GMDS: variants seen among roughly 807,000 people sequenced by gnomAD.
GMDS encodes GDP-mannose 4,6-dehydratase.
Under a neutral mutation model 49.9 loss-of-function variants are expected in GMDS, and 20 were observed. The ratio of observed to expected loss-of-function variants is 0.40; its 90% confidence interval spans 0.28 to 0.58. GMDS has a LOEUF of 0.58. Among genes scored for constraint, GMDS ranks in the 20% least tolerant of loss-of-function variants. GMDS has a pLI of 0.42. For synonymous variants in GMDS, 177 were observed against 178.6 expected (o/e 0.99, Z 0.07); for missense variants, 362 against 481.4 (o/e 0.75, Z 2.32).
intron 1 of GMDS, among the ~76,000 whole-genome samples, chr6:2,177,986 C>T (rs1581755075): frequency 1.3e-5 from 2 of 152,242 alleles, no homozygotes; most frequent in East Asian, 1.9e-4. Flanking sequence ...TCCTTTGCAG[C>T]AACATGGATG....
chr6:2,118,031 C>A (rs1182863599), intron 2 of GMDS, among the ~76,000 whole-genome samples: 1 of 152,198 alleles, frequency 6.6e-6, no homozygotes, highest in Non-Finnish European at 1.5e-5. Context: ...CCACAGACAT[C>A]ATCAGAGAGC....
At chr6:1,932,472 C>A (rs936713957) in intron 6 of GMDS, among the ~76,000 whole-genome samples, 16 of 151,668 alleles carry the variant, frequency 1.1e-4, no homozygotes, top group South Asian at 8.4e-4. Flanking sequence ...AAAGGTGGAT[C>A]TTTTCTTATC....
chr6:2,005,812 T>C (rs1247824485), intron 4 of GMDS, among the ~76,000 whole-genome samples: 2 of 152,168 alleles, frequency 1.3e-5, no homozygotes, highest in African/African-American at 4.8e-5. Flanking sequence ...GGCTGTGCCA[T>C]GCTTCTTGAA....
chr6:2,194,693 G>C (rs1323031926), intron 1 of GMDS, among the ~76,000 whole-genome samples: 1 of 152,194 alleles, frequency 6.6e-6, no homozygotes, highest in East Asian at 1.9e-4. Flanking sequence ...ACATGGAAGA[G>C]GGGAAAACAC....
chr6:1,726,973 C>T (rs905337695), intron 8 of GMDS, among the ~76,000 whole-genome samples: 3 of 151,588 alleles, frequency 2.0e-5, no homozygotes, highest in Non-Finnish European at 4.4e-5. Flanking sequence ...CAACACATTC[C>T]ATTTGGGAAT....
intron 4 of GMDS, among the ~76,000 whole-genome samples, chr6:1,967,073 T>C (rs189902997): frequency 4.6e-5 from 7 of 152,326 alleles, no homozygotes; most frequent in African/African-American, 1.4e-4. Flanking sequence ...CAGCTGGTCC[T>C]GCCTGGAGCC....
intron 1 of GMDS, among the ~76,000 whole-genome samples, chr6:2,212,967 A>G (rs958142355): frequency 2.0e-5 from 3 of 152,106 alleles, no homozygotes; most frequent in African/African-American, 4.8e-5. Flanking sequence ...GCATTCTTTT[A>G]CTTAACTTGT....
intron 9 of GMDS, among the ~76,000 whole-genome samples, chr6:1,696,834 T>G (rs190781912): frequency 6.6e-6 from 1 of 152,346 alleles, no homozygotes; most frequent in Admixed American, 6.5e-5. Flanking sequence ...ATCTCATGGA[T>G]GAAGAGCCTC....
At chr6:1,785,015 C>T (rs139775832) in intron 7 of GMDS, among the ~76,000 whole-genome samples, 1 of 152,298 alleles carries the variant, frequency 6.6e-6, no homozygotes, top group Non-Finnish European at 1.5e-5. Context: ...TGTGCTATAA[C>T]AAATTTTTCT....
chr6:1,896,559 G>A (rs747051685), intron 7 of GMDS, among the ~76,000 whole-genome samples: 2 of 152,146 alleles, frequency 1.3e-5, no homozygotes, highest in African/African-American at 2.4e-5. Flanking sequence ...GCGGGGAAGG[G>A]GGCTCGGTGC....
At chr6:2,049,916 A>G (rs1325093062) in intron 4 of GMDS, among the ~76,000 whole-genome samples, 5 of 152,258 alleles carry the variant, frequency 3.3e-5, no homozygotes, top group Non-Finnish European at 5.9e-5. Flanking sequence ...AATGCCCACA[A>G]GAGAAAGCAG....
chr6:1,657,853 C>CAAAAAAAAAAA (rs757277370), intron 9 of GMDS, among the ~76,000 whole-genome samples: 5 of 63,354 alleles, frequency 7.9e-5, no homozygotes, highest in East Asian at 4.6e-4. Flanking sequence ...AGAACTCAAG[C>CAAAAAAAAAAA]AAAAAAAAAA....
intron 7 of GMDS, among the ~76,000 whole-genome samples, chr6:1,889,073 T>C (rs965866233): frequency 6.6e-6 from 1 of 152,184 alleles, no homozygotes; most frequent in African/African-American, 2.4e-5. Flanking sequence ...TATATGTATA[T>C]ATTTTGCTGT....
chr6:1,863,398 G>A (rs573043743), intron 7 of GMDS, among the ~76,000 whole-genome samples: 102 of 152,194 alleles, frequency 6.7e-4, no homozygotes, highest in Middle Eastern at 3.4e-3. Flanking sequence ...ACCCACAAAC[G>A]TTTGGCTGTA....
intron 1 of GMDS, among the ~76,000 whole-genome samples, chr6:2,165,533 C>T (rs956612303): frequency 6.6e-6 from 1 of 152,222 alleles, no homozygotes; most frequent in Non-Finnish European, 1.5e-5. Flanking sequence ...ATCTGTTATA[C>T]TCAAGTTTAC....
chr6:2,182,326 A>G (rs1396275807), intron 1 of GMDS, among the ~76,000 whole-genome samples: 2 of 152,262 alleles, frequency 1.3e-5, no homozygotes, highest in South Asian at 2.1e-4. Context: ...AAGTGCTGAT[A>G]GAGAAGCTAC....
chr6:1,742,936 C>G (rs973058019), intron 7 of GMDS, among the ~76,000 whole-genome samples: 1 of 152,106 alleles, frequency 6.6e-6, no homozygotes, highest in African/African-American at 2.4e-5. Context: ...TGGCAAATAA[C>G]CTTTTTATGG....
At chr6:2,105,276 AATT>A (rs1325016301) in intron 4 of GMDS, among the ~76,000 whole-genome samples, 1 of 152,138 alleles carries the variant, frequency 6.6e-6, no homozygotes. Context: ...CAGATGAAAA[AATT>A]ATTTACACAC....
chr6:1,940,613 G>T lies in GMDS; in HGVS notation c.644-10383C>A, dbSNP rs1362934239. Reference sequence around the variant, plus strand: ...CAAGAGCAACACTATTTAACTGCAGGTACTCAAAATCCAATAGGCACGTTT... The same window carrying T: ...CAAGAGCAACACTATTTAACTGCAGTTACTCAAAATCCAATAGGCACGTTT... On this transcript the variant is annotated intron_variant, in intron 6 of 10. Transcript: ENST00000380815. Among the ~76,000 whole-genome samples, 13 of 152,316 alleles carry T rather than the reference G, an allele frequency of 8.5e-5. No individual in the cohort carries two copies. In the South Asian group the frequency reaches 1.9e-3, roughly 22 times the overall value.
Sources: gnomAD v4.1 joint callset for allele counts (sites outside exome capture counted in the v4.1 genomes callset) on GRCh38, gnomAD v4.1.1 for gene constraint, MANE v1.5 for transcripts, NCBI Gene and HGNC (gene_info 2026-07-23, HGNC 2026-07-21) for gene names.